Variants in TMPRSS15 observed in about 807,000 individuals in gnomAD.
The protein encoded by TMPRSS15 is enteropeptidase.
A neutral mutation model predicts 125.3 loss-of-function variants in TMPRSS15; 128 were observed. That is an observed-to-expected ratio of 1.02 (90% CI 0.89 to 1.18). The LOEUF is 1.18. Ranked by LOEUF, TMPRSS15 falls within the 50% of genes most tolerant of loss-of-function variation. The pLI, the probability that TMPRSS15 is intolerant of heterozygous loss-of-function variation, is 0.00. For missense variants in TMPRSS15, 1,283 were observed against 1,212.7 expected, an observed-to-expected ratio of 1.06 and a Z score of -0.86; for synonymous variants, 446 against 423.2, an observed-to-expected ratio of 1.05 and a Z score of -0.66.
At chr21:18,462,693 C>A (rs1454319537) in intron 1 of TMPRSS15, among the ~76,000 whole-genome samples, 1 of 149,844 alleles carries the variant, frequency 6.7e-6, no homozygotes, top group Non-Finnish European at 1.5e-5. Flanking sequence ...AAGTGGCTTT[C>A]AAAAAAAAAT....
At chr21:18,443,683 A>G (rs2076248177) in intron 1 of TMPRSS15, among the ~76,000 whole-genome samples, 2 of 152,206 alleles carry the variant, frequency 1.3e-5, no homozygotes, top group Non-Finnish European at 2.9e-5. Context: ...GACAAGGCTC[A>G]GTGCCAGCTA....
intron 22 of TMPRSS15, among the ~76,000 whole-genome samples, chr21:18,280,420 C>T (rs149775194): frequency 6.6e-6 from 1 of 151,394 alleles, no homozygotes; most frequent in East Asian, 1.9e-4. Flanking sequence ...ACTAAAAATA[C>T]AAGAAAAAAA....
intron 3 of TMPRSS15, among the ~76,000 whole-genome samples, chr21:18,385,523 C>T (rs2075935448): frequency 6.6e-6 from 1 of 152,146 alleles, no homozygotes; most frequent in Non-Finnish European, 1.5e-5. Flanking sequence ...AAAAGAACAG[C>T]TCACAGTAGA....
rs773093599 is a variant in TMPRSS15, at chr21:18,275,286, C to G, written c.2815G>C (p.Glu939Gln). ...TCTGGCATCTGCTGTTGGCATCTCT[C>G]ATTTGATAGAAGAGGAACATCAGCT... ...QEADVPLLSN[E>Q]RCQQQMPEYN... Residue 939 changes from glutamate to glutamine, a missense_variant, in exon 24 of 25, where the codon GAG becomes CAG. By Grantham distance (29) the Glu-to-Gln change is conservative. Coordinates refer to ENST00000284885, the MANE Select transcript of TMPRSS15 (RefSeq NM_002772.3). The G allele has an allele frequency of 6.2e-7, 1 of 1,614,096 alleles. No individual in the cohort carries two copies. Among genetic ancestry groups the G allele is most frequent in the Non-Finnish European group, 8.5e-7 (1 of 1,180,004 alleles).
chr21:18,403,350 T>A, intron 1 of TMPRSS15, 128 bp downstream of exon 1: 1 of 1,206,076 alleles, frequency 8.3e-7, no homozygotes, highest in Non-Finnish European at 1.2e-6. Flanking sequence ...TAATTTGAAA[T>A]ATTAGATTGA....
intron 16 of TMPRSS15, among the ~76,000 whole-genome samples, chr21:18,317,070 C>T (rs192538781): frequency 6.6e-6 from 1 of 152,170 alleles, no homozygotes; most frequent in East Asian, 1.9e-4. Flanking sequence ...GACTATTAGT[C>T]AATATAATAA....
chr21:18,477,805 C>A (rs546197284), intron 1 of TMPRSS15: 1 of 152,098 alleles, frequency 6.6e-6, no homozygotes, highest in East Asian at 1.9e-4. Context: ...GAATAATCAC[C>A]CTTACTGTAG....
intron 19 of TMPRSS15, 63 bp from the exon 20 acceptor site, chr21:18,294,715 A>G (rs1276463098): frequency 2.1e-6 from 3 of 1,398,286 alleles, no homozygotes; most frequent in Non-Finnish European, 3.0e-6. Flanking sequence ...GTCAAACATC[A>G]TATAGGTTAT....
At chr21:18,404,104 T>C (rs1434169217), upstream of TMPRSS15, among the ~76,000 whole-genome samples, 1 of 152,222 alleles carries the variant, frequency 6.6e-6, no homozygotes, top group Non-Finnish European at 1.5e-5. Context: ...TATGTTGATA[T>C]AGACCTTCTA....
intron 1 of TMPRSS15, among the ~76,000 whole-genome samples, chr21:18,439,729 G>GA (rs910981202): frequency 8.6e-5 from 13 of 151,480 alleles, no homozygotes; most frequent in African/African-American, 2.7e-4. Context: ...TTTATGGATG[G>GA]AAAAAAAAGA....
chr21:18,343,457 T>C (rs780769942), intron 12 of TMPRSS15, 49 bp downstream of exon 12: 13 of 1,476,824 alleles, frequency 8.8e-6, no homozygotes, highest in Non-Finnish European at 9.4e-6. Flanking sequence ...AATATAATTG[T>C]TCCACCACAA....
At chr21:18,417,979 T>A (rs1210911171) in intron 1 of TMPRSS15, among the ~76,000 whole-genome samples, 4 of 152,174 alleles carry the variant, frequency 2.6e-5, no homozygotes, top group African/African-American at 9.7e-5. Flanking sequence ...TTCAAAAAAA[T>A]GTAAAAAGCT....
In TMPRSS15 at chr21:18,464,503, G is replaced by A. The variant is rs1031640703; in HGVS notation, c.10+21296C>T. 1.4e-4 allele frequency among the ~76,000 whole-genome samples: 21 copies of A among 152,014 alleles called. 1 individual carries two copies. Reference sequence around the variant, plus strand: ...GTTTTTTGAAAAGTTTAACAAAATAGATAGACTGCTAGTCAGATTAATAAA... The same window carrying A: ...GTTTTTTGAAAAGTTTAACAAAATAAATAGACTGCTAGTCAGATTAATAAA... On this transcript the variant is annotated intron_variant, in intron 1 of 7. Transcript: ENST00000422787.
intron 21 of TMPRSS15, among the ~76,000 whole-genome samples, chr21:18,283,813 A>G (rs1376151240): frequency 6.6e-6 from 1 of 152,176 alleles, no homozygotes; most frequent in Non-Finnish European, 1.5e-5. Context: ...AAACTCCCAA[A>G]TTCTTCTTTG....
chr21:18,309,563 AAAAC>A lies in TMPRSS15; in HGVS notation c.2165+3378_2165+3381del, dbSNP rs564298028. Among the ~76,000 whole-genome samples, 10 of 152,306 alleles carry A rather than the reference AAAAC, an allele frequency of 6.6e-5. No homozygotes were observed. In the East Asian group the frequency reaches 1.7e-3, roughly 26 times the overall value. ...AAAGAAGTAACAAATTTACAAGAAAAAAACAAACAAATTTACAAGAAAAAAACAA... is the reference window on the plus strand; with the variant it reads ...AAAGAAGTAACAAATTTACAAGAAAAAAACAAATTTACAAGAAAAAAACAA... On this transcript the variant is annotated intron_variant, in intron 18 of 24. Coordinates refer to ENST00000284885, the MANE Select transcript of TMPRSS15 (RefSeq NM_002772.3).
At chr21:18,455,814 T>C (rs1385013242) in intron 1 of TMPRSS15, among the ~76,000 whole-genome samples, 3 of 152,214 alleles carry the variant, frequency 2.0e-5, no homozygotes, top group African/African-American at 7.2e-5. Flanking sequence ...GGATAAAAAG[T>C]AATTGTAACT....
At chr21:18,289,070 A>G (rs2146887880) in intron 21 of TMPRSS15, among the ~76,000 whole-genome samples, 1 of 152,342 alleles carries the variant, frequency 6.6e-6, no homozygotes, top group East Asian at 1.9e-4. Flanking sequence ...TTCTGCTTAA[A>G]GCATGAGACA....
intron 1 of TMPRSS15, among the ~76,000 whole-genome samples, chr21:18,460,182 G>A (rs1010057302): frequency 6.6e-6 from 1 of 151,990 alleles, no homozygotes; most frequent in African/African-American, 2.4e-5. Context: ...TGAACCTCTA[G>A]AGCAATATGG....
chr21:18,466,340 A>G (rs188732315), intron 1 of TMPRSS15, among the ~76,000 whole-genome samples: 2 of 152,304 alleles, frequency 1.3e-5, no homozygotes, highest in African/African-American at 4.8e-5. Flanking sequence ...ACCATTCAGG[A>G]CATAGGCATG....
Sources: gnomAD v4.1 joint callset for allele counts (sites outside exome capture counted in the v4.1 genomes callset) on GRCh38, gnomAD v4.1.1 for gene constraint, MANE v1.5 for transcripts, NCBI Gene and HGNC (gene_info 2026-07-23, HGNC 2026-07-21) for gene names.